MCC: variants seen among roughly 807,000 people sequenced by gnomAD.
MCC encodes the protein MCC regulator of Wnt signaling pathway.
A neutral mutation model predicts 116.2 loss-of-function variants in MCC; 90 were observed. That is an observed-to-expected ratio of 0.77 (90% CI 0.65 to 0.92). The LOEUF (loss-of-function observed/expected upper bound fraction) is 0.92. Among genes scored for constraint, MCC ranks in the 40% least tolerant of loss-of-function variants. The pLI is 0.00. For missense variants in MCC, 1,516 were observed against 1,312.2 expected, an observed-to-expected ratio of 1.16 and a Z score of -2.40; for synonymous variants, 578 against 510.5, an observed-to-expected ratio of 1.13 and a Z score of -1.78.
chr5:113,149,295 C>A (rs1437508216), intron 4 of MCC, among the ~76,000 whole-genome samples: 2 of 151,312 alleles, frequency 1.3e-5, no homozygotes, highest in Non-Finnish European at 2.9e-5. Context: ...GTTTGGAGAC[C>A]ACCACTGAAA....
chr5:113,085,055 C>T, intron 9 of MCC, 109 bp downstream of exon 9: 38 of 1,486,458 alleles, frequency 2.6e-5, no homozygotes, highest in Non-Finnish European at 3.6e-5. Flanking sequence ...GGGGAAGCCC[C>T]TTGTGCTGTC....
Position 113,488,351 on chromosome 5 carries a change from T to TGCCGCCGCCGCCGCCGCCGCCGCTGCC in MCC, c.63_64insGGCAGCGGCGGCGGCGGCGGCGGCGGC (p.Gly21_Ser22insGlySerGlyGlyGlyGlyGlyGlyGly), listed in dbSNP as rs35336557. The stretch of plus-strand genomic sequence containing the variant: ...TCGCTGCTGCTGCTGCTGCTGCCGC[T>TGCCGCCGCCGCCGCCGCCGCCGCTGCC]GCCGCCGCCGCCGCCGCCGCTGCTG... On this transcript the variant is annotated inframe_insertion, in exon 1 of 19. Coordinates refer to ENST00000408903, the MANE Select transcript of MCC (RefSeq NM_001085377.2). 4 of 1,455,604 alleles carry TGCCGCCGCCGCCGCCGCCGCCGCTGCC rather than the reference T, an allele frequency of 2.7e-6. No individual in the cohort carries two copies. The highest frequency in any genetic ancestry group is 2.2e-5 in the Admixed American group (1 of 45,374). 90.2% of individuals were successfully genotyped at this position (1,455,604 alleles called of 1,614,324 possible). A position where few individuals can be genotyped will look rare whatever the true frequency, so the allele number is the denominator to read the frequency against.
At chr5:113,293,293 G>A (rs765677457) in intron 3 of MCC, among the ~76,000 whole-genome samples, 7 of 151,524 alleles carry the variant, frequency 4.6e-5, no homozygotes. Context: ...TTCACCATTG[G>A]TAGTCTGACA....
chr5:113,427,905 A>T (rs1224485942), intron 1 of MCC, among the ~76,000 whole-genome samples: 1 of 152,190 alleles, frequency 6.6e-6, no homozygotes, highest in African/African-American at 2.4e-5. Flanking sequence ...AATGAACATA[A>T]GCAATCTCAG....
intron 3 of MCC, among the ~76,000 whole-genome samples, chr5:113,216,468 C>G (rs1231654941): frequency 6.6e-6 from 1 of 152,196 alleles, no homozygotes; most frequent in Non-Finnish European, 1.5e-5. Context: ...TATAAATAAT[C>G]TGTAAGCATT....
At chr5:113,072,119 A>G (rs547967081) in intron 11 of MCC, among the ~76,000 whole-genome samples, 124 of 152,338 alleles carry the variant, frequency 8.1e-4, no homozygotes, top group Non-Finnish European at 1.5e-3. Flanking sequence ...TTCCATGGAC[A>G]CATCTATTTG....
intron 1 of MCC, among the ~76,000 whole-genome samples, chr5:113,470,565 G>C (rs1772057328): frequency 6.6e-6 from 1 of 152,130 alleles, no homozygotes; most frequent in Admixed American, 6.5e-5. Context: ...TTAGTCTGAT[G>C]GGCTTCCCTT....
chr5:113,385,338 C>T (rs930423851), intron 1 of MCC, 126 bp from the exon 2 acceptor site: 5 of 997,776 alleles, frequency 5.0e-6, no homozygotes, highest in South Asian at 3.4e-5. Context: ...TCAACTTTCT[C>T]ATTGTTTCTA....
intron 1 of MCC, among the ~76,000 whole-genome samples, chr5:113,387,012 G>T (rs1386681838): frequency 6.6e-6 from 1 of 151,902 alleles, no homozygotes; most frequent in Non-Finnish European, 1.5e-5. Flanking sequence ...TTAACTTCAG[G>T]CTTCACATCT....
intron 1 of MCC, among the ~76,000 whole-genome samples, chr5:113,421,524 G>A (rs1011858470): frequency 6.6e-6 from 1 of 152,136 alleles, no homozygotes; most frequent in African/African-American, 2.4e-5. Context: ...TAGGCAGTAC[G>A]ATTCTAATAA....
chr5:113,244,487 A>T (rs1291321632), intron 3 of MCC, among the ~76,000 whole-genome samples: 1 of 152,266 alleles, frequency 6.6e-6, no homozygotes, highest in Non-Finnish European at 1.5e-5. Context: ...AAGCCTATAC[A>T]TTATGAAACT....
chr5:113,231,588 C>T (rs983273552), intron 3 of MCC, among the ~76,000 whole-genome samples: 1 of 152,116 alleles, frequency 6.6e-6, no homozygotes, highest in African/African-American at 2.4e-5. Context: ...TGTTAATGAG[C>T]TTTCTCATTA....
chr5:113,400,204 C>A (rs796865539), intron 1 of MCC, among the ~76,000 whole-genome samples: 1 of 131,450 alleles, frequency 7.6e-6, no homozygotes, highest in East Asian at 2.4e-4. Flanking sequence ...CTCACTGAAA[C>A]CTTCCCCTCC....
Position 113,084,180 on chromosome 5 carries a change from C to G in MCC, c.1556G>C (p.Arg519Thr). Residue 519 changes from arginine (R) to threonine (T), a missense_variant, in exon 10 of 19, where the codon AGG becomes ACG. Arg to Thr is a moderately conservative substitution (Grantham distance 71). Transcript: ENST00000408903. Reference protein sequence around the residue: ...NDIPIAKIAERVKLSKTRSES... With the variant: ...NDIPIAKIAETVKLSKTRSES... ...GGACCTTGTCTTTGATAGCTTCACC[C>G]TCTCAGCAATCTTAAAAAAGAAAAC... 6.2e-7 allele frequency: 1 copy of G among 1,613,898 alleles called. No individual in the cohort carries two copies. Among genetic ancestry groups the G allele is most frequent in the Non-Finnish European group, 8.5e-7 (1 of 1,179,748 alleles).
intron 3 of MCC, among the ~76,000 whole-genome samples, chr5:113,298,601 AG>A (rs1406497299): frequency 6.6e-6 from 1 of 152,148 alleles, no homozygotes; most frequent in African/African-American, 2.4e-5. Flanking sequence ...AAGGGAAACC[AG>A]GAGATGGAGC....
At chr5:113,172,808 T>C (rs536993550) in intron 3 of MCC, among the ~76,000 whole-genome samples, 8 of 152,346 alleles carry the variant, frequency 5.3e-5, no homozygotes, top group African/African-American at 1.2e-4. Context: ...CCGAAAGCTA[T>C]TGCAATATAT....
chr5:113,068,750 T>C (rs1026923232), intron 12 of MCC, among the ~76,000 whole-genome samples: 2 of 152,244 alleles, frequency 1.3e-5, no homozygotes, highest in South Asian at 2.1e-4. Flanking sequence ...TGGTGAGTAA[T>C]GACTAAGGCC....
At chr5:113,208,264 G>C (rs939977796) in intron 3 of MCC, among the ~76,000 whole-genome samples, 10 of 152,102 alleles carry the variant, frequency 6.6e-5, no homozygotes, top group Non-Finnish European at 1.5e-4. Context: ...TTTGTAAGCT[G>C]GATAATTAGT....
intron 3 of MCC, among the ~76,000 whole-genome samples, chr5:113,302,289 C>T (rs540049751): frequency 9.9e-5 from 15 of 152,092 alleles, no homozygotes; most frequent in African/African-American, 3.4e-4. Flanking sequence ...CTAGACAAAA[C>T]AATGTGGTTT....
Sources: allele counts gnomAD v4.1 joint callset (sites outside exome capture counted in the v4.1 genomes callset), GRCh38; gene constraint gnomAD v4.1.1; transcripts MANE v1.5; gene names NCBI Gene and HGNC (gene_info 2026-07-23, HGNC 2026-07-21).